The following ADAM15 variants were observed in gnomAD, a reference collection of about 807,000 sequenced individuals.
ADAM15 encodes ADAM metallopeptidase domain 15, also known as disintegrin and metalloproteinase domain-containing protein 15.
Under a neutral mutation model 113.8 loss-of-function variants are expected in ADAM15, and 77 were observed. The observed-to-expected ratio is 0.68, with a 90% CI of 0.56 to 0.82. The LOEUF (loss-of-function observed/expected upper bound fraction) is 0.82, where lower values mean the gene tolerates loss of function less well. ADAM15 is among the 40% of genes least tolerant of loss of function. The pLI, the probability that ADAM15 is intolerant of heterozygous loss-of-function variation, is 0.00. For synonymous variants in ADAM15, 388 were observed against 454.1 expected (o/e 0.85, Z 1.85); for missense variants, 963 against 1,120.1 (o/e 0.86, Z 2.00).
Position 155,057,548 on chromosome 1 carries a change from G to T in ADAM15, c.1324-89G>T. 1 of 1,541,342 alleles carries T rather than the reference G, an allele frequency of 6.5e-7. No individual in the cohort carries two copies. ...AGCCCTCGCTTGCTGTGTAGCTTCT[G>T]GTCTTGGCCTGTGGGAGGAGGAGAG... On this transcript the variant is annotated intron_variant, in intron 12 of 22. Transcript: ENST00000356955. This position sits in a 1 kb window ranked among gnomAD's most constrained non-coding sequence, Gnocchi z 5.0.
intron 20 of ADAM15, 150 bp from the exon 21 acceptor site, chr1:155,061,754 G>A: frequency 2.1e-6 from 2 of 949,006 alleles, no homozygotes; most frequent in Non-Finnish European, 3.2e-6. Flanking sequence ...GACATCAGCT[G>A]GCATGCCTCC....
chr1:155,054,279 G>A (rs1661475236), intron 5 of ADAM15, 35 bp from the exon 6 acceptor site: 3 of 1,585,938 alleles, frequency 1.9e-6, no homozygotes, highest in African/African-American at 2.7e-5. Flanking sequence ...CCCAGGCATG[G>A]AGCTGAAATG....
chr1:155,056,837 G>A lies in ADAM15; in HGVS notation c.1000-116G>A. The A allele has an allele frequency of 7.1e-7, 1 of 1,409,204 alleles. No individual in the cohort carries two copies. Among genetic ancestry groups the A allele is most frequent in the South Asian group, 1.4e-5 (1 of 70,206 alleles). The allele number at this position is 1,409,204 out of a possible 1,614,324, so 87.3% of individuals were successfully genotyped here. A position where few individuals can be genotyped will look rare whatever the true frequency, so the allele number is the denominator to read the frequency against. Reference sequence around the variant, plus strand: ...AGAAGCAATTCAGGAGGGAAGCAGTGCCTGCTGAGTGCCCACGAGGTCAGA... The same window carrying A: ...AGAAGCAATTCAGGAGGGAAGCAGTACCTGCTGAGTGCCCACGAGGTCAGA... On this transcript the variant is annotated intron_variant, in intron 10 of 22. Coordinates refer to ENST00000356955, the MANE Select transcript of ADAM15 (RefSeq NM_207197.3). This position sits in a 1 kb window ranked among gnomAD's most constrained non-coding sequence, Gnocchi z 4.0.
chr1:155,051,585 C>T, intron 1 of ADAM15, 120 bp downstream of exon 1: 1 of 973,392 alleles, frequency 1.0e-6, no homozygotes, highest in East Asian at 3.4e-5. Context: ...CAGAGCGCGG[C>T]CCGCCCTGGT....
chr1:155,053,263 C>G (rs981855454), intron 2 of ADAM15, among the ~76,000 whole-genome samples, 154 bp from the exon 3 acceptor site: 2 of 152,116 alleles, frequency 1.3e-5, no homozygotes, highest in African/African-American at 4.8e-5. Context: ...GAACAATGCT[C>G]CAGGCCAGGC....
In ADAM15 at chr1:155,061,945, G is replaced by A. The variant is rs140796036; in HGVS notation, c.2394G>A (p.Leu798=). ...ADRPNPPTRP[L]PADPVVRSPK... is the part of the protein sequence containing the mutation. Reference sequence around the variant, plus strand: ...GACCCAATCCCCCTACCCGCCCTCTGCCCGCTGACCCGGTGGTGAGAAGCC... The same window carrying A: ...GACCCAATCCCCCTACCCGCCCTCTACCCGCTGACCCGGTGGTGAGAAGCC... Residue 798 remains leucine (L), a synonymous_variant, in exon 21 of 23, where the codon CTG becomes CTA. Coordinates refer to ENST00000356955, the MANE Select transcript of ADAM15 (RefSeq NM_207197.3). The A allele has an allele frequency of 1.0e-4, 163 of 1,587,152 alleles. No individual in the cohort carries two copies. In the African/African-American group the frequency reaches 1.4e-3, roughly 13 times the overall value.
rs1661335955 is a variant in ADAM15 at position 155,053,277 on chromosome 1, GT to G, written c.187-137del. 5.2e-6 allele frequency: 4 copies of G among 769,690 alleles called. No homozygotes were observed. In the East Asian group the frequency reaches 1.0e-4, roughly 19 times the overall value. 47.7% of individuals were successfully genotyped at this position (769,690 alleles called of 1,614,324 possible). A position where few individuals can be genotyped will look rare whatever the true frequency, so the allele number is the denominator to read the frequency against. On this transcript the variant is annotated intron_variant, in intron 2 of 22. Transcript: ENST00000356955. ...AGAACAATGCTCCAGGCCAGGCAGG[GT>G]TTCCTGGCCCCTCCCCTGGGATCCC...
Position 155,058,915 on chromosome 1 carries a change from G to C in ADAM15, c.1995+128G>C. Reference sequence around the variant, plus strand: ...TACTACTTCCCAGTTGTGTGACCTCGGGCAGGTTACTAACTTTGCTGAGCT... The same window carrying C: ...TACTACTTCCCAGTTGTGTGACCTCCGGCAGGTTACTAACTTTGCTGAGCT... On this transcript the variant is annotated intron_variant, in intron 16 of 22. Coordinates refer to ENST00000356955, the MANE Select transcript of ADAM15 (RefSeq NM_207197.3). The surrounding 1 kb of genome is among the most constrained non-coding windows in gnomAD (Gnocchi z 4.3). The C allele has an allele frequency of 7.8e-7, 1 of 1,277,176 alleles. No individual in the cohort carries two copies. Among genetic ancestry groups the C allele is most frequent in the South Asian group, 1.6e-5 (1 of 63,422 alleles). The allele number at this position is 1,277,176 out of a possible 1,614,324, so 79.1% of individuals were successfully genotyped here.
chr1:155,054,924 G>C (rs1460768118), intron 6 of ADAM15, among the ~76,000 whole-genome samples: 2 of 152,026 alleles, frequency 1.3e-5, no homozygotes, highest in Admixed American at 1.3e-4. Context: ...AGATTAGGTG[G>C]TTTGCCCGAG....
rs1162931176 is a variant in ADAM15, at chr1:155,062,256, A to T, written c.2436A>T (p.Pro812=). The change falls in exon 22 of 23, where the codon CCA becomes CCT. Residue 812 remains proline (P), a synonymous_variant. Transcript: ENST00000356955. This position sits in a 1 kb window ranked among gnomAD's most constrained non-coding sequence, Gnocchi z 7.0. The part of the protein sequence containing the change: ...PVVRSPKSQG[P]AKPPPPRKPL... ...CTTCTCTCCCTCAGTCTCAGGGGCCAGCCAAGCCCCCACCCCCAAGGAAGC... is the reference window on the plus strand; with the variant it reads ...CTTCTCTCCCTCAGTCTCAGGGGCCTGCCAAGCCCCCACCCCCAAGGAAGC... The T allele has an allele frequency of 6.9e-7, 1 of 1,454,372 alleles. No homozygotes were observed. The highest frequency in any genetic ancestry group is 1.4e-5 in the African/African-American group (1 of 69,704). 90.1% of individuals were successfully genotyped at this position (1,454,372 alleles called of 1,614,324 possible). A position where few individuals can be genotyped will look rare whatever the true frequency, so the allele number is the denominator to read the frequency against.
chr1:155,061,797 C>T, intron 20 of ADAM15, 107 bp from the exon 21 acceptor site: 1 of 1,233,240 alleles, frequency 8.1e-7, no homozygotes, highest in Non-Finnish European at 1.1e-6. Context: ...TTCTCTCCTG[C>T]CCCCTGGCTG....
intron 19 of ADAM15, 150 bp from the exon 20 acceptor site, chr1:155,061,265 C>T: frequency 3.3e-6 from 2 of 612,132 alleles, no homozygotes; most frequent in Admixed American, 2.9e-5. Flanking sequence ...CACTCGCTCC[C>T]CACCTGCATG....
In ADAM15 at chr1:155,057,998, G is replaced by A. The variant is rs1160877872; in HGVS notation, c.1564G>A (p.Gly522Arg). 14 of 1,613,428 alleles carry A rather than the reference G, an allele frequency of 8.7e-6. No homozygotes were observed. The highest frequency in any genetic ancestry group is 4.0e-5 in the African/African-American group (3 of 74,926). The part of the protein sequence containing the change: ...CAGGQAVCMH[G>R]RCASYAQQCQ... Reference sequence around the variant, plus strand: ...TGGCGGGCAAGCTGTGTGCATGCACGGGCGTTGTGCCTCCTATGCCCAGCA... The same window carrying A: ...TGGCGGGCAAGCTGTGTGCATGCACAGGCGTTGTGCCTCCTATGCCCAGCA... Residue 522 changes from glycine to arginine, a missense_variant, in exon 14 of 23, where the codon GGG (glycine) becomes AGG (arginine). Transcript: ENST00000356955. This position sits in a 1 kb window ranked among gnomAD's most constrained non-coding sequence, Gnocchi z 5.0.
In ADAM15 at chr1:155,058,235, C is replaced by T; in HGVS notation, c.1722-11C>T. On this transcript the variant is annotated splice_polypyrimidine_tract_variant and intron_variant, in intron 14 of 22. Transcript: ENST00000356955. The surrounding 1 kb of genome is among the most constrained non-coding windows in gnomAD (Gnocchi z 4.3). ...CCTACTAACTCTGTGTGCCCTTCCC[C>T]CTCCCCACAGAGATGCCATTTGTGG... 6.2e-7 allele frequency: 1 copy of T among 1,613,974 alleles called. No individual in the cohort carries two copies. The highest frequency in any genetic ancestry group is 1.1e-5 in the South Asian group (1 of 91,070).
Position 155,054,331 on chromosome 1 carries a change from C to A in ADAM15, c.437C>A (p.Thr146Asn). Residue 146 changes from threonine to asparagine, a missense_variant, in exon 6 of 23, where the codon ACC becomes AAC. Physicochemically the swap from Thr to Asn is moderately conservative, Grantham distance 65. Transcript: ENST00000356955. The stretch of plus-strand genomic sequence containing the variant: ...TTTCTTAGAGGCTTGGTGGTCCTGA[C>A]CCCAGAGAGAAGCTATACCCTGGAG... ...CSGLRGLVVL[T>N]PERSYTLEQG... 2 of 1,599,458 alleles carry A rather than the reference C, an allele frequency of 1.3e-6. No individual in the cohort carries two copies. The highest frequency in any genetic ancestry group is 1.4e-5 in the African/African-American group (1 of 73,962).
rs1571622683 is a variant in ADAM15, at chr1:155,058,620, A to G, written c.1918-90A>G. 1 of 1,560,110 alleles carries G rather than the reference A, an allele frequency of 6.4e-7. No homozygotes were observed. Among genetic ancestry groups the G allele is most frequent in the East Asian group, 2.4e-5 (1 of 41,300 alleles). ...CTATGCCTTGGTTTCCCCATCTGTAAACGCAGGGTATGGCCTCAACCTTAT... is the reference window on the plus strand; with the variant it reads ...CTATGCCTTGGTTTCCCCATCTGTAGACGCAGGGTATGGCCTCAACCTTAT... On this transcript the variant is annotated intron_variant, in intron 15 of 22. Coordinates refer to ENST00000356955, the MANE Select transcript of ADAM15 (RefSeq NM_207197.3). This position sits in a 1 kb window ranked among gnomAD's most constrained non-coding sequence, Gnocchi z 4.3.
chr1:155,058,644 A>G lies in ADAM15; in HGVS notation c.1918-66A>G, dbSNP rs1410518179. The G allele has an allele frequency of 1.1e-5, 17 of 1,574,588 alleles. No individual in the cohort carries two copies. The South Asian group carries it at 1.4e-4, about 13-fold the overall frequency. The stretch of plus-strand genomic sequence containing the variant: ...AAACGCAGGGTATGGCCTCAACCTT[A>G]TTGGCCTCCCAGTCCCATTAAAGCT... On this transcript the variant is annotated intron_variant, in intron 15 of 22. Coordinates refer to ENST00000356955, the MANE Select transcript of ADAM15 (RefSeq NM_207197.3). This position sits in a 1 kb window ranked among gnomAD's most constrained non-coding sequence, Gnocchi z 4.3.
At chr1:155,052,545 G>A (rs551378457) in intron 1 of ADAM15, 126 bp from the exon 2 acceptor site, 10 of 1,549,588 alleles carry the variant, frequency 6.5e-6, no homozygotes, top group African/African-American at 1.4e-5. Flanking sequence ...AGCATGCAAT[G>A]TGGAAGCCCC....
intron 1 of ADAM15, chr1:155,052,319 G>T (rs909310348): frequency 6.4e-6 from 4 of 624,554 alleles, no homozygotes. Context: ...GCTCAGTCTC[G>T]AGAGGGGGCG....
Sources: gnomAD v4.1 joint callset for allele counts (sites outside exome capture counted in the v4.1 genomes callset) on GRCh38, gnomAD v4.1.1 for gene constraint, Gnocchi (gnomAD v3.1) non-coding constraint, MANE v1.5 for transcripts, NCBI Gene and HGNC (gene_info 2026-07-23, HGNC 2026-07-21) for gene names.